Variants in NXN observed in about 807,000 individuals in gnomAD.
NXN encodes the protein nucleoredoxin 1.
Under a neutral mutation model 48.6 loss-of-function variants are expected in NXN, and 16 were observed. The observed-to-expected ratio is 0.33, with a 90% CI of 0.22 to 0.50. The LOEUF (loss-of-function observed/expected upper bound fraction) is 0.50, where lower values mean the gene tolerates loss of function less well. NXN is among the 20% of genes least tolerant of loss of function. The pLI, the probability that NXN is intolerant of heterozygous loss-of-function variation, is 0.98. For synonymous variants in NXN, 281 were observed against 269.6 expected (o/e 1.04, Z -0.41); for missense variants, 492 against 605.5 (o/e 0.81, Z 1.97).
chr17:835,321 A>G lies in NXN; in HGVS notation c.361-9243T>C, dbSNP rs1255206947. On this transcript the variant is annotated intron_variant, in intron 1 of 7. Coordinates refer to ENST00000336868, the MANE Select transcript of NXN (RefSeq NM_022463.5). Reference sequence around the variant, plus strand: ...AGACTCTGTTTCAAAAAAAAAAAAAAAAGAAAACGTCATAGCAAACCCCCA... The same window carrying G: ...AGACTCTGTTTCAAAAAAAAAAAAAGAAGAAAACGTCATAGCAAACCCCCA... Among the ~76,000 whole-genome samples, 4 of 151,920 alleles carry G rather than the reference A, an allele frequency of 2.6e-5. No individual in the cohort carries two copies. In the East Asian group the frequency reaches 7.8e-4, roughly 29 times the overall value.
intron 1 of NXN, among the ~76,000 whole-genome samples, chr17:944,273 C>T (rs1354866095): frequency 6.6e-6 from 1 of 152,168 alleles, no homozygotes; most frequent in Non-Finnish European, 1.5e-5. Context: ...ATACCAGCTA[C>T]GCAGCCTGTT....
intron 1 of NXN, among the ~76,000 whole-genome samples, chr17:977,529 ATC>A (rs928476972): frequency 6.6e-6 from 1 of 152,242 alleles, no homozygotes; most frequent in Non-Finnish European, 1.5e-5. Context: ...TTTGCAAAAC[ATC>A]TGTTTGCTCC....
At chr17:925,910 T>C (rs544573802) in intron 1 of NXN, among the ~76,000 whole-genome samples, 3 of 152,360 alleles carry the variant, frequency 2.0e-5, no homozygotes, top group South Asian at 2.1e-4. Flanking sequence ...CAAAACTCCC[T>C]TTCTCTGGCT....
At chr17:954,459 G>A (rs960327154) in intron 1 of NXN, among the ~76,000 whole-genome samples, 8 of 152,308 alleles carry the variant, frequency 5.3e-5, no homozygotes, top group Non-Finnish European at 1.0e-4. Context: ...GGTCTGACCC[G>A]GCAGCCTCCC....
intron 1 of NXN, among the ~76,000 whole-genome samples, chr17:893,619 A>G (rs1009965986): frequency 1.2e-4 from 17 of 136,264 alleles, no homozygotes; most frequent in African/African-American, 3.8e-4. Flanking sequence ...AAGCATCTCA[A>G]TGCCCTGGAA....
chr17:807,457 C>G (rs1217130156), intron 5 of NXN, among the ~76,000 whole-genome samples: 1 of 152,192 alleles, frequency 6.6e-6, no homozygotes, highest in Non-Finnish European at 1.5e-5. Context: ...CTGCCCATTT[C>G]CCGGCTCAGC....
chr17:910,650 T>G (rs567660301), intron 1 of NXN: 6 of 152,306 alleles, frequency 3.9e-5, no homozygotes, highest in African/African-American at 1.4e-4. Context: ...GCATTATTGC[T>G]CCAATGAATT....
At chr17:975,329 T>A (rs1246276545) in intron 1 of NXN, among the ~76,000 whole-genome samples, 1 of 152,222 alleles carries the variant, frequency 6.6e-6, no homozygotes, top group Non-Finnish European at 1.5e-5. Flanking sequence ...TCACAGCAAC[T>A]GTTCTCTTCC....
At chr17:957,282 C>T (rs1567518824) in intron 1 of NXN, among the ~76,000 whole-genome samples, 1 of 151,676 alleles carries the variant, frequency 6.6e-6, no homozygotes, top group Non-Finnish European at 1.5e-5. Flanking sequence ...CTCTACTTCA[C>T]ACACAGAAGC....
At chr17:806,952 G>A (rs963115185) in intron 5 of NXN, among the ~76,000 whole-genome samples, 3 of 151,422 alleles carry the variant, frequency 2.0e-5, no homozygotes, top group East Asian at 1.9e-4. Flanking sequence ...ACACACGCAC[G>A]CGCCCACACA....
At chr17:859,560 A>G (rs2068020804) in intron 1 of NXN, among the ~76,000 whole-genome samples, 1 of 152,176 alleles carries the variant, frequency 6.6e-6, no homozygotes, top group South Asian at 2.1e-4. Flanking sequence ...CTTGTATGAA[A>G]AGGAAAGGGA....
chr17:828,003 G>A (rs1214203280), intron 1 of NXN, among the ~76,000 whole-genome samples: 1 of 152,206 alleles, frequency 6.6e-6, no homozygotes, highest in Non-Finnish European at 1.5e-5. Flanking sequence ...GGTGGGCCCT[G>A]CTTTCAATCT....
At chr17:941,119 T>C (rs1214069293) in intron 1 of NXN, among the ~76,000 whole-genome samples, 2 of 124,804 alleles carry the variant, frequency 1.6e-5, no homozygotes, top group East Asian at 5.2e-4. Context: ...CATCACACCT[T>C]CCTGGATTTA....
intron 5 of NXN, among the ~76,000 whole-genome samples, chr17:814,059 A>G (rs371627627): frequency 4.6e-5 from 7 of 152,136 alleles, no homozygotes; most frequent in East Asian, 1.9e-4. Flanking sequence ...TCAGGAGCTC[A>G]AGACCAGGCT....
intron 1 of NXN, chr17:842,633 C>G (rs1470072632): frequency 1.1e-6 from 1 of 928,218 alleles, no homozygotes; most frequent in African/African-American, 1.8e-5. Flanking sequence ...TACTAAACTT[C>G]CGTTCAGAAA....
intron 1 of NXN, among the ~76,000 whole-genome samples, chr17:893,815 T>A (rs36143105): frequency 3.9e-3 from 25 of 6,396 alleles, no homozygotes; most frequent in Admixed American, 6.4e-3. Context: ...AGAGGAAGCA[T>A]CTCAACTCCC....
chr17:805,014 C>T (rs1911408050), intron 6 of NXN, 54 bp downstream of exon 6: 9 of 1,523,746 alleles, frequency 5.9e-6, no homozygotes, highest in Admixed American at 5.9e-5. Context: ...AGTGAGGCCC[C>T]TCCTGTCCCG....
chr17:820,766 A>G lies in NXN; in HGVS notation c.714-1221T>C, dbSNP rs1441308656. Among the ~76,000 whole-genome samples, 3 of 71,902 alleles carry G rather than the reference A, an allele frequency of 4.2e-5. 1 individual carries two copies. The East Asian group carries it at 1.2e-3, about 30-fold the overall frequency. The allele number at this position is 71,902 out of a possible 152,430, so 47.2% of individuals were successfully genotyped here. ...TGGAAAAACCGCATCTCTACTAAAA[A>G]TACAAAAATTAGCCGGGTGTGGTGG... On this transcript the variant is annotated intron_variant, in intron 4 of 7. Coordinates refer to ENST00000336868, the MANE Select transcript of NXN (RefSeq NM_022463.5).
intron 1 of NXN, among the ~76,000 whole-genome samples, chr17:889,755 G>GAA (rs1430852171): frequency 0.017 from 1,561 of 91,630 alleles, 12 homozygotes; most frequent in South Asian, 0.042. Context: ...AAGAAAGAAA[G>GAA]AAAGAAAAAG....
Sources: allele counts gnomAD v4.1 joint callset (sites outside exome capture counted in the v4.1 genomes callset), GRCh38; gene constraint gnomAD v4.1.1; transcripts MANE v1.5; gene names NCBI Gene and HGNC (gene_info 2026-07-23, HGNC 2026-07-21).